NOTCH3: variants seen among roughly 807,000 people sequenced by gnomAD.
The protein encoded by NOTCH3 is notch receptor 3.
In NOTCH3, 86 loss-of-function variants were observed where a neutral mutation model predicts 213.3. That is an observed-to-expected ratio of 0.40 (90% CI 0.34 to 0.48). NOTCH3 has a LOEUF of 0.48. Ranked by LOEUF, NOTCH3 falls within the 20% of genes least tolerant of loss-of-function variation. NOTCH3 has a pLI of 0.57. For missense variants in NOTCH3, 2,783 were observed against 3,272.6 expected (o/e 0.85, Z 3.65); for synonymous variants, 1,354 against 1,355.9 (o/e 1.00, Z 0.03).
At chr19:15,167,179 G>A in intron 29 of NOTCH3, 70 bp downstream of exon 29, 1 of 1,529,792 alleles carries the variant, frequency 6.5e-7, no homozygotes, top group Non-Finnish European at 9.0e-7. Flanking sequence ...CCAAAACACA[G>A]AGTCAGAAAT....
Position 15,185,777 on chromosome 19 carries a change from C to A in NOTCH3, c.1952-98G>T. On this transcript the variant is annotated intron_variant, in intron 12 of 32. Transcript: ENST00000263388. The surrounding 1 kb of genome is among the most constrained non-coding windows in gnomAD (Gnocchi z 4.2). ...CACTTAGCACACCCACACCCCCGAG[C>A]AATGACCTCTTTTTCATAACGCATC... 1 of 1,162,178 alleles carries A rather than the reference C, an allele frequency of 8.6e-7. No individual in the cohort carries two copies. Among genetic ancestry groups the A allele is most frequent in the South Asian group, 1.3e-5 (1 of 79,458 alleles). The allele number at this position is 1,162,178 out of a possible 1,614,324, so 72.0% of individuals were successfully genotyped here.
Position 15,185,334 on chromosome 19 carries a change from G to C in NOTCH3, c.2219C>G (p.Ser740Cys). 1 of 1,612,964 alleles carries C rather than the reference G, an allele frequency of 6.2e-7. No individual in the cohort carries two copies. Among genetic ancestry groups the C allele is most frequent in the Non-Finnish European group, 8.5e-7 (1 of 1,179,968 alleles). ...TGTCCCACCGGCCCTGCACGGCTGG[G>C]ACTCACAGGCGTCTCGGGCCAGGCT... is the stretch of plus-strand genomic sequence containing the variant. ...SQSLARDACE[S>C]QPCRAGGTCS... Residue 740 changes from serine to cysteine, a missense_variant, in exon 14 of 33, where the codon TCC (serine) becomes TGC (cysteine). This residue lies in a region of NOTCH3 where 861 missense variants were observed against 909.1 expected (regional missense o/e 0.95). Coordinates refer to ENST00000263388, the MANE Select transcript of NOTCH3 (RefSeq NM_000435.3). The surrounding 1 kb of genome is among the most constrained non-coding windows in gnomAD (Gnocchi z 4.2).
At chr19:15,188,428 T>A in intron 8 of NOTCH3, 80 bp from the exon 9 acceptor site, 1 of 884,618 alleles carries the variant, frequency 1.1e-6, no homozygotes, top group South Asian at 1.4e-5. Flanking sequence ...GTACTTCCCT[T>A]CCTACTCATC....
In NOTCH3 at chr19:15,184,279, G is replaced by A. The variant is rs377010969; in HGVS notation, c.2566+16C>T. On this transcript the variant is annotated intron_variant, in intron 16 of 32. Transcript: ENST00000263388. ...GTTCCCCAGAGCAGCACCCCCAAGA[G>A]CTCCCCTGCACTCACTGGGGTCACA... 1.9e-6 allele frequency: 3 copies of A among 1,612,410 alleles called. No homozygotes were observed. The African/African-American group carries it at 4.0e-5, about 22-fold the overall frequency.
In NOTCH3 at chr19:15,189,187, G is replaced by A. The variant is rs2145436580; in HGVS notation, c.1193-13C>T. The stretch of plus-strand genomic sequence containing the variant: ...CAGGGGTTGGCGCCTGCCGGATGGA[G>A]TGCGATCGGTGTGGGCGTGGCTGGC... On this transcript the variant is annotated splice_polypyrimidine_tract_variant and intron_variant, in intron 7 of 32. Coordinates refer to ENST00000263388, the MANE Select transcript of NOTCH3 (RefSeq NM_000435.3). 1.2e-6 allele frequency: 2 copies of A among 1,613,308 alleles called. No individual in the cohort carries two copies. The highest frequency in any genetic ancestry group is 2.2e-5 in the East Asian group (1 of 44,870).
rs766343581 is a variant in NOTCH3 at position 15,179,013 on chromosome 19, G to C, written c.3718+12C>G. 6.2e-7 allele frequency: 1 copy of C among 1,614,182 alleles called. No homozygotes were observed. Among genetic ancestry groups the C allele is most frequent in the South Asian group, 1.1e-5 (1 of 91,088 alleles). On this transcript the variant is annotated intron_variant, in intron 22 of 32. Coordinates refer to ENST00000263388, the MANE Select transcript of NOTCH3 (RefSeq NM_000435.3). Reference sequence around the variant, plus strand: ...GGCGGGGTCCCAGGCCAGCCCCTTCGCCAACGCTTACCTGAGAAGCCAGCA... The same window carrying C: ...GGCGGGGTCCCAGGCCAGCCCCTTCCCCAACGCTTACCTGAGAAGCCAGCA...
chr19:15,162,515 T>C lies in NOTCH3; in HGVS notation c.5863A>G (p.Thr1955Ala), dbSNP rs760774506. 1.2e-6 allele frequency: 2 copies of C among 1,614,068 alleles called. No homozygotes were observed. The highest frequency in any genetic ancestry group is 1.1e-5 in the South Asian group (1 of 91,074). Reference sequence around the variant, plus strand: ...GCTCCATTTTTGAGCAGGGCCAAAGTGGCTTCCACGTTGTTCACAGCCGCA... The same window carrying C: ...GCTCCATTTTTGAGCAGGGCCAAAGCGGCTTCCACGTTGTTCACAGCCGCA... ...WAAAVNNVEATLALLKNGANK... is the reference protein window; with the variant it reads ...WAAAVNNVEAALALLKNGANK... Residue 1955 changes from threonine to alanine, a missense_variant, in exon 32 of 33, where the codon ACT becomes GCT. Thr to Ala is a moderately conservative substitution (Grantham distance 58). This residue lies in a region of NOTCH3 where 636 missense variants were observed against 801.8 expected (regional missense o/e 0.79). Transcript: ENST00000263388.
At chr19:15,176,409 C>T (rs971391472) in intron 24 of NOTCH3, among the ~76,000 whole-genome samples, 8 of 149,734 alleles carry the variant, frequency 5.3e-5, no homozygotes, top group African/African-American at 2.0e-4. Flanking sequence ...GTGATCTGCC[C>T]TCCTCTGCCT....
rs914496002 is a variant in NOTCH3 at position 15,160,398 on chromosome 19, G to A, written c.*264C>T. ...CAGAAGGAGAGAGAAAGGAATGAGG[G>A]AAGAGAGAAGTGGGGAAGAAGGAGG... On this transcript the variant is annotated 3_prime_UTR_variant, in exon 33 of 33. Coordinates refer to ENST00000263388, the MANE Select transcript of NOTCH3 (RefSeq NM_000435.3). 1.9e-6 allele frequency: 1 copy of A among 524,548 alleles called. No individual in the cohort carries two copies. Among genetic ancestry groups the A allele is most frequent in the Non-Finnish European group, 3.4e-6 (1 of 293,524 alleles). The allele number at this position is 524,548 out of a possible 1,614,324, so 32.5% of individuals were successfully genotyped here.
chr19:15,162,807 G>T (rs985191261), intron 31 of NOTCH3, among the ~76,000 whole-genome samples: 7 of 151,248 alleles, frequency 4.6e-5, no homozygotes, highest in Non-Finnish European at 7.4e-5. Context: ...GCATGTGCAT[G>T]ACTGTTTATA....
Position 15,179,289 on chromosome 19 carries a change from G to A in NOTCH3, c.3461-7C>T, listed in dbSNP as rs2145418578. On this transcript the variant is annotated splice_region_variant and splice_polypyrimidine_tract_variant and intron_variant, in intron 21 of 32. Coordinates refer to ENST00000263388, the MANE Select transcript of NOTCH3 (RefSeq NM_000435.3). Reference sequence around the variant, plus strand: ...TTAATCTCGCAGAGCACCCCTGGGGGAAGAAACGAGGGGTGGTCAAGAGGG... The same window carrying A: ...TTAATCTCGCAGAGCACCCCTGGGGAAAGAAACGAGGGGTGGTCAAGAGGG... 6.2e-7 allele frequency: 1 copy of A among 1,611,528 alleles called. No homozygotes were observed. The highest frequency in any genetic ancestry group is 8.5e-7 in the Non-Finnish European group (1 of 1,178,290).
Position 15,185,794 on chromosome 19 carries a change from T to C in NOTCH3, c.1952-115A>G. On this transcript the variant is annotated intron_variant, in intron 12 of 32. Transcript: ENST00000263388. The surrounding 1 kb of genome is among the most constrained non-coding windows in gnomAD (Gnocchi z 4.2). ...CCCCCGAGCAATGACCTCTTTTTCA[T>C]AACGCATCAGCTCTTGTGCAGATTA... 1 of 983,602 alleles carries C rather than the reference T, an allele frequency of 1.0e-6. No individual in the cohort carries two copies. Among genetic ancestry groups the C allele is most frequent in the Admixed American group, 2.0e-5 (1 of 51,172 alleles). 60.9% of individuals were successfully genotyped at this position (983,602 alleles called of 1,614,324 possible).
rs763064291 is a variant in NOTCH3, at chr19:15,200,777, C to G, written c.118+11G>C. 1.1e-5 allele frequency: 14 copies of G among 1,291,214 alleles called. No homozygotes were observed. Among genetic ancestry groups the G allele is most frequent in the Non-Finnish European group, 1.3e-5 (13 of 1,013,862 alleles). The allele number at this position is 1,291,214 out of a possible 1,614,324, so 80.0% of individuals were successfully genotyped here. On this transcript the variant is annotated intron_variant, in intron 1 of 32. Transcript: ENST00000263388. ...CGCCCTCGTCCCATCCGCCAGGTCC[C>G]GGCCCCTCACCTGCAGCCCCCGGCC... is the stretch of plus-strand genomic sequence containing the variant.
chr19:15,173,295 G>C (rs1478576589), intron 25 of NOTCH3, among the ~76,000 whole-genome samples: 1 of 149,958 alleles, frequency 6.7e-6, no homozygotes, highest in Non-Finnish European at 1.5e-5. Flanking sequence ...GGTGGCGGCC[G>C]CCTGTAGTCC....
chr19:15,174,557 C>G (rs2046771411), intron 24 of NOTCH3, among the ~76,000 whole-genome samples, 157 bp from the exon 25 acceptor site: 1 of 136,518 alleles, frequency 7.3e-6, no homozygotes, highest in Non-Finnish European at 1.5e-5. Context: ...GCAAATCTTG[C>G]CATTCACTGG....
At position 15,161,213 on chromosome 19, in the gene NOTCH3, G is replaced by A; in HGVS notation, c.6415C>T (p.Gln2139Ter). Residue 2139 changes from glutamine to a stop codon, truncating the protein, a stop_gained, in exon 33 of 33, where the codon CAG becomes TAG. Coordinates refer to ENST00000263388, the MANE Select transcript of NOTCH3 (RefSeq NM_000435.3). LOFTEE classifies it low-confidence loss of function (END_TRUNC). Reference protein sequence around the residue: ...AATATAVSLAQLGGPGRAGLG... With the variant: ...AATATAVSLA ...CCCGCCCGGCCTGGGCCACCAAGCTGTGCCAGAGACACTGCAGTGGCAGTG... is the reference window on the plus strand; with the variant it reads ...CCCGCCCGGCCTGGGCCACCAAGCTATGCCAGAGACACTGCAGTGGCAGTG... The A allele has an allele frequency of 6.5e-7, 1 of 1,545,672 alleles. No homozygotes were observed. The highest frequency in any genetic ancestry group is 8.7e-7 in the Non-Finnish European group (1 of 1,151,198).
intron 28 of NOTCH3, among the ~76,000 whole-genome samples, chr19:15,167,795 T>A (rs1338283237): frequency 6.6e-6 from 1 of 152,026 alleles, no homozygotes; most frequent in Non-Finnish European, 1.5e-5. Flanking sequence ...CCTCAGGTGA[T>A]CAGCCCCTCT....
rs1599378366 is a variant in NOTCH3 at position 15,177,539 on chromosome 19, G to T, written c.4389C>A (p.Arg1463=). The T allele has an allele frequency of 6.2e-7, 1 of 1,609,954 alleles. No individual in the cohort carries two copies. Among genetic ancestry groups the T allele is most frequent in the South Asian group, 1.1e-5 (1 of 90,366 alleles). The change falls in exon 24 of 33, where the codon CGC becomes CGA. Residue 1463 remains arginine, a synonymous_variant. Coordinates refer to ENST00000263388, the MANE Select transcript of NOTCH3 (RefSeq NM_000435.3). ...GATGGGCTCACTTGCAAGTGCGCTCGCGGCCACCGGCGTGGCAGTCGAAGT... is the reference window on the plus strand; with the variant it reads ...GATGGGCTCACTTGCAAGTGCGCTCTCGGCCACCGGCGTGGCAGTCGAAGT... ...YDNFDCHAGG[R]ERTCNPVYEK... is the part of the protein sequence containing the mutation.
chr19:15,162,977 C>T (rs2046658515), intron 31 of NOTCH3, among the ~76,000 whole-genome samples: 1 of 152,178 alleles, frequency 6.6e-6, no homozygotes, highest in African/African-American at 2.4e-5. Context: ...AATCTCAGTT[C>T]ACTGCAACCT....
Sources: allele counts gnomAD v4.1 joint callset (sites outside exome capture counted in the v4.1 genomes callset), GRCh38; gene constraint gnomAD v4.1.1; regional missense constraint gnomAD v4.1.1; non-coding constraint Gnocchi (gnomAD v3.1); transcripts MANE v1.5; gene names NCBI Gene and HGNC (gene_info 2026-07-23, HGNC 2026-07-21).